ANO6: variants seen among roughly 807,000 people sequenced by gnomAD.
ANO6 encodes anoctamin-6.
Under a neutral mutation model 117.5 loss-of-function variants are expected in ANO6, and 106 were observed. The ratio of observed to expected loss-of-function variants is 0.90; its 90% CI spans 0.77 to 1.06. The LOEUF is 1.06. Ranked by LOEUF, ANO6 falls within the 50% of genes least tolerant of loss-of-function variation. The pLI, the probability that ANO6 is intolerant of heterozygous loss-of-function variation, is 0.00. For missense variants in ANO6, 955 were observed against 1,121.1 expected (o/e 0.85, Z 2.12); for synonymous variants, 367 against 385.1 (o/e 0.95, Z 0.55).
At chr12:45,386,079 A>G (rs1043439870) in intron 10 of ANO6, among the ~76,000 whole-genome samples, 7 of 150,912 alleles carry the variant, frequency 4.6e-5, no homozygotes, top group African/African-American at 1.7e-4. Context: ...AAACAAAAAC[A>G]AACAAAACAA....
intron 9 of ANO6, among the ~76,000 whole-genome samples, chr12:45,376,682 T>G (rs1316105444): frequency 7.6e-6 from 1 of 131,652 alleles, no homozygotes; most frequent in Non-Finnish European, 1.6e-5. Context: ...AAGGGGAACA[T>G]CACACTCTGG....
chr12:45,375,456 A>G (rs1255496939), intron 9 of ANO6, among the ~76,000 whole-genome samples: 1 of 152,246 alleles, frequency 6.6e-6, no homozygotes, highest in African/African-American at 2.4e-5. Context: ...TTCAAACTAT[A>G]CTACAAGGCT....
In ANO6 at chr12:45,287,079, T is replaced by C. The variant is rs528755186; in HGVS notation, c.71-14935T>C. 2.0e-5 allele frequency among the ~76,000 whole-genome samples: 3 copies of C among 152,334 alleles called. No individual in the cohort carries two copies. The South Asian group carries it at 6.2e-4, about 32-fold the overall frequency. On this transcript the variant is annotated intron_variant, in intron 1 of 19. Coordinates refer to ENST00000320560, the MANE Select transcript of ANO6 (RefSeq NM_001025356.3). ...GAACAAGGTGAGATCTCTACTCTTATGGAACTTACATACTTTATGCGTAAT... is the reference window on the plus strand; with the variant it reads ...GAACAAGGTGAGATCTCTACTCTTACGGAACTTACATACTTTATGCGTAAT...
intron 9 of ANO6, among the ~76,000 whole-genome samples, chr12:45,368,671 C>T (rs1169596437): frequency 6.6e-6 from 1 of 152,144 alleles, no homozygotes; most frequent in Non-Finnish European, 1.5e-5. Flanking sequence ...CCTTACAATC[C>T]TGACCTACGC....
At chr12:45,221,436 C>T (rs1947397200) in intron 1 of ANO6, among the ~76,000 whole-genome samples, 2 of 152,056 alleles carry the variant, frequency 1.3e-5, no homozygotes, top group Admixed American at 6.5e-5. Flanking sequence ...TCTGGAGTTC[C>T]AAATAGTTGC....
intron 1 of ANO6, among the ~76,000 whole-genome samples, chr12:45,235,906 G>A (rs921230303): frequency 2.0e-5 from 3 of 152,154 alleles, no homozygotes; most frequent in African/African-American, 4.8e-5. Flanking sequence ...GTGTTCCCAG[G>A]TATTTAATCC....
At chr12:45,350,626 T>A in intron 6 of ANO6, 33 bp from the exon 7 acceptor site, 1 of 1,530,982 alleles carries the variant, frequency 6.5e-7, no homozygotes, top group Non-Finnish European at 9.0e-7. Context: ...ACACGATGAT[T>A]ATGGTGCTTA....
intron 2 of ANO6, among the ~76,000 whole-genome samples, chr12:45,320,244 T>TAGCA (rs1940211065): frequency 1.3e-5 from 2 of 152,328 alleles, no homozygotes; most frequent in South Asian, 4.1e-4. Flanking sequence ...CTGCTTTCTC[T>TAGCA]TGTGGGCATT....
chr12:45,366,133 G>A (rs562508743), intron 8 of ANO6, among the ~76,000 whole-genome samples: 124 of 114,848 alleles, frequency 1.1e-3, no homozygotes, highest in African/African-American at 3.9e-3. Flanking sequence ...TTTTTTTTTT[G>A]GTATTAATTT....
At chr12:45,361,543 G>A (rs557665536) in intron 8 of ANO6, among the ~76,000 whole-genome samples, 1 of 152,072 alleles carries the variant, frequency 6.6e-6, no homozygotes, top group Non-Finnish European at 1.5e-5. Flanking sequence ...TTCTTACCTA[G>A]TTGTCCTGAC....
chr12:45,377,388 GC>G (rs890799548), intron 9 of ANO6, among the ~76,000 whole-genome samples: 9 of 152,212 alleles, frequency 5.9e-5, no homozygotes, highest in Non-Finnish European at 1.3e-4. Context: ...AGTAAATAAA[GC>G]CTTATTTGGC....
chr12:45,311,935 C>T (rs116859207), intron 2 of ANO6, among the ~76,000 whole-genome samples: 1,795 of 151,958 alleles, frequency 0.012, 18 homozygotes, highest in Admixed American at 0.038. Context: ...TGTTTTTTTC[C>T]TCATTTAACA....
chr12:45,250,447 CA>C (rs1342068610), intron 1 of ANO6, among the ~76,000 whole-genome samples: 1 of 152,146 alleles, frequency 6.6e-6, no homozygotes, highest in Non-Finnish European at 1.5e-5. Flanking sequence ...GGCTGGAGTA[CA>C]GTGGCACGAT....
chr12:45,420,937 A>G, intron 17 of ANO6, 134 bp from the exon 18 acceptor site: 2 of 942,876 alleles, frequency 2.1e-6, no homozygotes, highest in Non-Finnish European at 3.3e-6. Flanking sequence ...AGGCAGGAGA[A>G]TTTTTTGAAC....
At chr12:45,279,058 A>G (rs912858385) in intron 1 of ANO6, among the ~76,000 whole-genome samples, 1 of 152,160 alleles carries the variant, frequency 6.6e-6, no homozygotes, top group African/African-American at 2.4e-5. Flanking sequence ...TGTGCCTAGT[A>G]TCCTCTTGTC....
At chr12:45,411,889 G>T (rs1193030086) in intron 16 of ANO6, among the ~76,000 whole-genome samples, 3 of 152,152 alleles carry the variant, frequency 2.0e-5, no homozygotes, top group African/African-American at 7.2e-5. Context: ...CCCGATGGAG[G>T]CAGCTACTGC....
chr12:45,223,311 C>T (rs1229799327), intron 1 of ANO6, among the ~76,000 whole-genome samples: 1 of 152,160 alleles, frequency 6.6e-6, no homozygotes, highest in Non-Finnish European at 1.5e-5. Flanking sequence ...TGGGATCTGA[C>T]ACCATCTCCA....
intron 1 of ANO6, among the ~76,000 whole-genome samples, chr12:45,240,173 T>C (rs1220332028): frequency 6.6e-6 from 1 of 151,994 alleles, no homozygotes; most frequent in Admixed American, 6.6e-5. Flanking sequence ...TCTTTGTAGG[T>C]CTCCAAGGAC....
At chr12:45,436,597 G>A (rs116447518), downstream of ANO6, among the ~76,000 whole-genome samples, 791 of 152,226 alleles carry the variant, frequency 5.2e-3, 7 homozygotes, top group African/African-American at 0.018. Flanking sequence ...AGAAATGGTC[G>A]TATTAAAACA....
Sources: gnomAD v4.1 joint callset for allele counts (sites outside exome capture counted in the v4.1 genomes callset) on GRCh38, gnomAD v4.1.1 for gene constraint, MANE v1.5 for transcripts, NCBI Gene and HGNC (gene_info 2026-07-23, HGNC 2026-07-21) for gene names.